The following PARN variants were observed in gnomAD, a reference collection of about 807,000 sequenced individuals.
PARN encodes poly(A)-specific ribonuclease, also known as poly(A)-specific ribonuclease PARN.
A neutral mutation model predicts 102.8 loss-of-function variants in PARN; 71 were observed. That is an observed-to-expected ratio of 0.69 (90% confidence interval 0.57 to 0.84). The LOEUF (loss-of-function observed/expected upper bound fraction) is 0.84, where lower values mean the gene tolerates loss of function less well. Ranked by LOEUF, PARN falls within the 40% of genes least tolerant of loss-of-function variation. The probability of loss-of-function intolerance (pLI) is 0.00; values close to 1 mark genes in which losing one functional copy is unlikely to be tolerated. For missense variants in PARN, 782 were observed against 760.9 expected (o/e 1.03, Z -0.33); for synonymous variants, 261 against 252.9 (o/e 1.03, Z -0.30).
chr16:14,549,650 C>A (rs1967173344), intron 21 of PARN, among the ~76,000 whole-genome samples: 1 of 152,168 alleles, frequency 6.6e-6, no homozygotes, highest in South Asian at 2.1e-4. Context: ...TACACACAAG[C>A]AAGGAATCAT....
chr16:14,545,761 G>C (rs1346779580), intron 21 of PARN, among the ~76,000 whole-genome samples: 2 of 152,140 alleles, frequency 1.3e-5, no homozygotes, highest in African/African-American at 4.8e-5. Context: ...CCAGCTCAAG[G>C]TGTTTCAGCA....
chr16:14,555,926 T>C (rs1001180210), intron 18 of PARN, among the ~76,000 whole-genome samples: 3 of 152,022 alleles, frequency 2.0e-5, no homozygotes, highest in Non-Finnish European at 4.4e-5. Context: ...CATGCAGTGG[T>C]GTGATCTTGG....
intron 22 of PARN, among the ~76,000 whole-genome samples, chr16:14,457,931 G>GGTGT (rs565874587): frequency 7.6e-5 from 11 of 145,608 alleles, no homozygotes; most frequent in African/African-American, 7.4e-5. Context: ...TGTGTGTGTG[G>GGTGT]GTGTGTGTGT....
chr16:14,511,309 C>T (rs1046128284), intron 21 of PARN, among the ~76,000 whole-genome samples: 2 of 152,142 alleles, frequency 1.3e-5, no homozygotes, highest in Non-Finnish European at 2.9e-5. Flanking sequence ...GAACACAAGG[C>T]TATACCCTCA....
At chr16:14,532,095 T>G (rs896345523) in intron 21 of PARN, among the ~76,000 whole-genome samples, 10 of 151,840 alleles carry the variant, frequency 6.6e-5, no homozygotes, top group Admixed American at 4.6e-4. Context: ...AATATAAAAC[T>G]TGCTTTAACC....
chr16:14,589,708 A>G (rs775886031), intron 13 of PARN, among the ~76,000 whole-genome samples: 5 of 151,890 alleles, frequency 3.3e-5, no homozygotes, highest in Non-Finnish European at 7.4e-5. Flanking sequence ...TCTACTAAAA[A>G]TACAAAAATT....
chr16:14,529,231 T>C (rs1966181958), intron 21 of PARN, among the ~76,000 whole-genome samples: 1 of 152,182 alleles, frequency 6.6e-6, no homozygotes, highest in South Asian at 2.1e-4. Flanking sequence ...CTGTCCACAT[T>C]ACTTAGCATG....
chr16:14,519,383 CTCTG>C (rs1011147559), intron 21 of PARN, among the ~76,000 whole-genome samples: 2 of 150,396 alleles, frequency 1.3e-5, no homozygotes, highest in Non-Finnish European at 3.0e-5. Context: ...ATTTTCTGAG[CTCTG>C]TCTGTTGTAA....
chr16:14,469,679 T>C (rs1962599135), intron 22 of PARN, among the ~76,000 whole-genome samples: 1 of 149,896 alleles, frequency 6.7e-6, no homozygotes, highest in African/African-American at 2.5e-5. Context: ...TATGATGTAC[T>C]AGCAGAATTT....
intron 14 of PARN, among the ~76,000 whole-genome samples, chr16:14,585,928 G>A (rs1013265671): frequency 3.3e-5 from 5 of 150,992 alleles, no homozygotes; most frequent in African/African-American, 4.9e-5. Context: ...ATGATCTAAT[G>A]GTTTTAACAA....
chr16:14,509,135 A>G (rs1302226048), intron 21 of PARN, among the ~76,000 whole-genome samples: 1 of 152,078 alleles, frequency 6.6e-6, no homozygotes, highest in Non-Finnish European at 1.5e-5. Flanking sequence ...TCTCTCCTAC[A>G]AGGTTACAGT....
chr16:14,522,908 A>G (rs1196838471), intron 21 of PARN, among the ~76,000 whole-genome samples: 1 of 152,222 alleles, frequency 6.6e-6, no homozygotes, highest in Admixed American at 6.5e-5. Context: ...TGGTAATACT[A>G]AAGATAAGTG....
At chr16:14,542,942 C>G (rs1966850481) in intron 21 of PARN, among the ~76,000 whole-genome samples, 1 of 152,164 alleles carries the variant, frequency 6.6e-6, no homozygotes, top group Non-Finnish European at 1.5e-5. Flanking sequence ...TTCCCAAATC[C>G]TGTGAAAACT....
intron 22 of PARN, among the ~76,000 whole-genome samples, chr16:14,451,867 T>TAAAAAAAAAA (rs1567287329): frequency 1.3e-4 from 3 of 23,742 alleles, no homozygotes; most frequent in African/African-American, 1.9e-4. Flanking sequence ...AAAAAAAAAA[T>TAAAAAAAAAA]ACAAAAAAAA....
At chr16:14,523,139 C>A (rs1294378059) in intron 21 of PARN, among the ~76,000 whole-genome samples, 3 of 151,448 alleles carry the variant, frequency 2.0e-5, no homozygotes, top group African/African-American at 7.3e-5. Context: ...GACAAAAAAA[C>A]CCCAAACAAC....
chr16:14,581,475 G>T (rs1262354814), intron 17 of PARN, among the ~76,000 whole-genome samples: 1 of 152,118 alleles, frequency 6.6e-6, no homozygotes, highest in Non-Finnish European at 1.5e-5. Flanking sequence ...CTTTTAATTG[G>T]GTGAGTGGAT....
chr16:14,563,008 T>A (rs1156489889), intron 18 of PARN, among the ~76,000 whole-genome samples: 2 of 152,208 alleles, frequency 1.3e-5, no homozygotes, highest in African/African-American at 4.8e-5. Context: ...TTAACCCATT[T>A]CACGCAGCTA....
intron 18 of PARN, among the ~76,000 whole-genome samples, chr16:14,578,780 A>C (rs995099527): frequency 1.1e-4 from 17 of 152,234 alleles, no homozygotes; most frequent in African/African-American, 4.1e-4. Flanking sequence ...TAGACCAAAA[A>C]AATAATCACA....
intron 18 of PARN, among the ~76,000 whole-genome samples, chr16:14,574,381 A>G (rs925474337): frequency 6.6e-6 from 1 of 152,168 alleles, no homozygotes; most frequent in African/African-American, 2.4e-5. Flanking sequence ...GAAGTAGAGC[A>G]CAAAAGTTTG....
Sources: gnomAD v4.1 joint callset for allele counts (sites outside exome capture counted in the v4.1 genomes callset) on GRCh38, gnomAD v4.1.1 for gene constraint, MANE v1.5 for transcripts, NCBI Gene and HGNC (gene_info 2026-07-23, HGNC 2026-07-21) for gene names.